Variants in XKR9 observed in about 807,000 individuals in gnomAD.
XKR9 encodes XK related 9.
XKR9 carries 32 observed loss-of-function variants against 32.0 expected under a neutral mutation model. The observed-to-expected ratio is 1.00, with a 90% CI of 0.76 to 1.34. The LOEUF (loss-of-function observed/expected upper bound fraction) is 1.34, where lower values mean the gene tolerates loss of function less well. Ranked by LOEUF, XKR9 falls within the 40% of genes most tolerant of loss-of-function variation. XKR9 has a pLI of 0.00. For missense variants in XKR9, 546 were observed against 429.7 expected, an observed-to-expected ratio of 1.27 and a Z score of -2.39; for synonymous variants, 168 against 143.4, an observed-to-expected ratio of 1.17 and a Z score of -1.22.
At chr8:70,700,504 G>A (rs543952490) in intron 3 of XKR9, among the ~76,000 whole-genome samples, 10 of 152,252 alleles carry the variant, frequency 6.6e-5, no homozygotes, top group East Asian at 3.9e-4. Context: ...GCGGATTTTC[G>A]TGAACTGCAA....
chr8:70,929,604 G>A, the XKR9 span, among the ~76,000 whole-genome samples: 7 of 152,146 alleles, frequency 4.6e-5, no homozygotes, highest in Non-Finnish European at 1.0e-4. Flanking sequence ...TTAGTTTCTT[G>A]TGGTTGTACG....
At chr8:70,819,131 G>A in the XKR9 span, among the ~76,000 whole-genome samples, 4 of 152,182 alleles carry the variant, frequency 2.6e-5, no homozygotes, top group Non-Finnish European at 5.9e-5. Flanking sequence ...GCTTGGATCT[G>A]TTCTTTCACG....
At chr8:70,855,077 A>G in the XKR9 span, among the ~76,000 whole-genome samples, 1 of 152,064 alleles carries the variant, frequency 6.6e-6, no homozygotes, top group Admixed American at 6.6e-5. Flanking sequence ...TGGTAGCTTG[A>G]TGGGGATGGC....
At chr8:70,724,682 C>T (rs1806402343) in intron 4 of XKR9, among the ~76,000 whole-genome samples, 1 of 152,154 alleles carries the variant, frequency 6.6e-6, no homozygotes, top group African/African-American at 2.4e-5. Flanking sequence ...CACCCTGCTT[C>T]TGCTCGCTCT....
the XKR9 span, among the ~76,000 whole-genome samples, chr8:70,896,145 C>G: frequency 6.6e-6 from 1 of 152,104 alleles, no homozygotes; most frequent in Admixed American, 6.5e-5. Context: ...CATCTATATT[C>G]ATAAAGATAG....
the XKR9 span, among the ~76,000 whole-genome samples, chr8:71,038,457 A>T: frequency 1.3e-5 from 2 of 151,308 alleles, no homozygotes; most frequent in Admixed American, 6.6e-5. Context: ...AGTAGCTGGA[A>T]TTACAGGCAC....
chr8:70,946,390 A>T, the XKR9 span, among the ~76,000 whole-genome samples: 1,607 of 152,274 alleles, frequency 0.011, 35 homozygotes, highest in African/African-American at 0.037. Flanking sequence ...AAACGATAAA[A>T]ACTATAAGGC....
the XKR9 span, among the ~76,000 whole-genome samples, chr8:71,045,607 C>CT: frequency 6.6e-6 from 1 of 152,134 alleles, no homozygotes; most frequent in Non-Finnish European, 1.5e-5. Context: ...GCAACAGGGC[C>CT]TTTGCACACA....
the XKR9 span, among the ~76,000 whole-genome samples, chr8:70,920,380 G>C: frequency 6.6e-6 from 1 of 151,826 alleles, no homozygotes; most frequent in African/African-American, 2.4e-5. Flanking sequence ...TCCTTACAAA[G>C]CATATTTACA....
At chr8:71,006,889 T>C in the XKR9 span, among the ~76,000 whole-genome samples, 1 of 152,206 alleles carries the variant, frequency 6.6e-6, no homozygotes, top group South Asian at 2.1e-4. Context: ...AGAATCCTGC[T>C]TAAATGAATG....
At chr8:71,011,949 A>T in the XKR9 span, among the ~76,000 whole-genome samples, 2 of 152,260 alleles carry the variant, frequency 1.3e-5, no homozygotes, top group South Asian at 2.1e-4. Flanking sequence ...AGTTTCTCTT[A>T]TATACACTTG....
chr8:70,808,559 G>T, the XKR9 span, among the ~76,000 whole-genome samples: 1 of 152,178 alleles, frequency 6.6e-6, no homozygotes, highest in Non-Finnish European at 1.5e-5. Flanking sequence ...AAGGAAAGGG[G>T]TGACAGACAG....
chr8:70,748,924 C>T (rs1417804523), intron 2 of XKR9, among the ~76,000 whole-genome samples: 1 of 152,162 alleles, frequency 6.6e-6, no homozygotes, highest in African/African-American at 2.4e-5. Flanking sequence ...TTCAGGTCTC[C>T]TCAACTCTTC....
rs1176966655 is a variant in XKR9, at chr8:70,669,398, G to A, written c.-501G>A. The A allele has an allele frequency of 9.7e-6, 4 of 412,230 alleles. No homozygotes were observed. The highest frequency in any genetic ancestry group is 1.8e-5 in the Non-Finnish European group (4 of 227,160). The allele number at this position is 412,230 out of a possible 1,614,324, so 25.5% of individuals were successfully genotyped here. ...AGTGGTGGGAAGGCTGGCGCGAGGCGTGAGGTGGCGTGAGGCGAAGCTGGA... is the reference window on the plus strand; with the variant it reads ...AGTGGTGGGAAGGCTGGCGCGAGGCATGAGGTGGCGTGAGGCGAAGCTGGA... On this transcript the variant is annotated 5_prime_UTR_variant, in exon 1 of 5. The change creates a new upstream start codon in the 5' untranslated region. Coordinates refer to ENST00000408926, the MANE Select transcript of XKR9 (RefSeq NM_001011720.2).
intron 2 of XKR9, among the ~76,000 whole-genome samples, chr8:70,752,914 A>G (rs959709838): frequency 1.4e-4 from 21 of 152,222 alleles, no homozygotes; most frequent in African/African-American, 5.1e-4. Context: ...AATAACCAAA[A>G]TCAGACCAGA....
downstream of XKR9, among the ~76,000 whole-genome samples, chr8:70,736,438 A>G (rs1352912479): frequency 5.3e-5 from 8 of 152,058 alleles, no homozygotes; most frequent in East Asian, 7.7e-4. Flanking sequence ...TCTGATGGTA[A>G]TTTCTTTTGC....
the XKR9 span, among the ~76,000 whole-genome samples, chr8:70,809,677 T>C: frequency 6.6e-6 from 1 of 152,116 alleles, no homozygotes; most frequent in Admixed American, 6.5e-5. Flanking sequence ...TTCGATCAAC[T>C]GGAAGAAAGG....
the XKR9 span, among the ~76,000 whole-genome samples, chr8:70,948,013 C>T: frequency 1.3e-5 from 2 of 152,124 alleles, no homozygotes; most frequent in African/African-American, 4.8e-5. Context: ...AGATTTTGCC[C>T]CTGGCAAGAT....
the XKR9 span, among the ~76,000 whole-genome samples, chr8:70,940,177 C>A: frequency 6.6e-6 from 1 of 152,104 alleles, no homozygotes; most frequent in South Asian, 2.1e-4. Flanking sequence ...TCCTTACCCC[C>A]ACTTCTGTCA....
Sources: gnomAD v4.1 joint callset for allele counts (sites outside exome capture counted in the v4.1 genomes callset) on GRCh38, gnomAD v4.1.1 for gene constraint, MANE v1.5 for transcripts, NCBI Gene and HGNC (gene_info 2026-07-23, HGNC 2026-07-21) for gene names.